The following TRAF2 variants were observed in gnomAD, a reference collection of about 807,000 sequenced individuals.
TRAF2 encodes the protein TNF receptor associated factor 2.
Under a neutral mutation model 55.6 loss-of-function variants are expected in TRAF2, and 6 were observed. That is an observed-to-expected ratio of 0.11 (90% CI 0.06 to 0.21). The LOEUF (loss-of-function observed/expected upper bound fraction) is 0.21, where lower values mean the gene tolerates loss of function less well. TRAF2 is among the 10% of genes least tolerant of loss of function. The pLI, the probability that TRAF2 is intolerant of heterozygous loss-of-function variation, is 1.00. For synonymous variants in TRAF2, 329 were observed against 276.3 expected, an observed-to-expected ratio of 1.19 and a Z score of -1.89; for missense variants, 561 against 684.5, an observed-to-expected ratio of 0.82 and a Z score of 2.01.
At chr9:136,918,297 TCTTG>T (rs1456971261) in intron 7 of TRAF2, among the ~76,000 whole-genome samples, 1 of 148,394 alleles carries the variant, frequency 6.7e-6, no homozygotes, top group African/African-American at 2.5e-5. Context: ...TGAGGTTGAG[TCTTG>T]CTTTGTCGCC....
Position 136,908,158 on chromosome 9 carries a change from T to TGGA in TRAF2, c.457_459dup (p.Glu153dup). On this transcript the variant is annotated inframe_insertion, in exon 5 of 11. Transcript: ENST00000247668. ...CGCCTTGGTGAAAAGGAGCGCCACC[T>TGGA]GGAGCACGAGTGCCCGGAGAGAAGC... 6.2e-7 allele frequency: 1 copy of TGGA among 1,603,612 alleles called. No individual in the cohort carries two copies. The highest frequency in any genetic ancestry group is 8.5e-7 in the Non-Finnish European group (1 of 1,179,872).
rs754647357 is a variant in TRAF2, at chr9:136,925,929, G to C, written c.*28G>C. On this transcript the variant is annotated 3_prime_UTR_variant, in exon 11 of 11. Coordinates refer to ENST00000247668, the MANE Select transcript of TRAF2 (RefSeq NM_021138.4). Reference sequence around the variant, plus strand: ...GCCCCCTACTGGTGTCTGGGGGTTGGGGGCAGCCAGGCACAGCCGGCTCAC... The same window carrying C: ...GCCCCCTACTGGTGTCTGGGGGTTGCGGGCAGCCAGGCACAGCCGGCTCAC... The C allele has an allele frequency of 6.2e-7, 1 of 1,612,416 alleles. No homozygotes were observed. Among genetic ancestry groups the C allele is most frequent in the Non-Finnish European group, 8.5e-7 (1 of 1,179,138 alleles).
upstream of TRAF2, among the ~76,000 whole-genome samples, chr9:136,885,764 T>C (rs1849432628): frequency 6.7e-6 from 1 of 150,314 alleles, no homozygotes; most frequent in African/African-American, 2.5e-5. Context: ...TGAGCCTCCG[T>C]CTCAAAAAAA....
intron 4 of TRAF2, among the ~76,000 whole-genome samples, chr9:136,905,457 G>A (rs1286061966): frequency 6.6e-6 from 1 of 152,180 alleles, no homozygotes; most frequent in Non-Finnish European, 1.5e-5. Flanking sequence ...TGGGGAGTTA[G>A]GGTTTAACAG....
intron 4 of TRAF2, among the ~76,000 whole-genome samples, chr9:136,904,723 TAATTA>T (rs1292474882): frequency 2.6e-5 from 4 of 152,232 alleles, no homozygotes; most frequent in Non-Finnish European, 5.9e-5. Flanking sequence ...AACAGTCTTT[TAATTA>T]AATCTAAGAA....
At chr9:136,921,582 G>A (rs879382432) in intron 9 of TRAF2, among the ~76,000 whole-genome samples, 1 of 152,006 alleles carries the variant, frequency 6.6e-6, no homozygotes, top group Non-Finnish European at 1.5e-5. Flanking sequence ...GCGGGTGGGG[G>A]TGGCTGTGGG....
chr9:136,905,415 A>G (rs1458471880), intron 4 of TRAF2, among the ~76,000 whole-genome samples: 2 of 152,144 alleles, frequency 1.3e-5, no homozygotes, highest in Admixed American at 1.3e-4. Context: ...ATTGAGAGCC[A>G]ATAGATGGTG....
intron 10 of TRAF2, among the ~76,000 whole-genome samples, chr9:136,925,017 G>A (rs555251122): frequency 1.8e-4 from 27 of 152,342 alleles, no homozygotes; most frequent in African/African-American, 3.8e-4. Flanking sequence ...GATTGTAGGC[G>A]TGAGCCACTG....
chr9:136,886,321 C>A (rs1380933730), upstream of TRAF2: 1 of 878,392 alleles, frequency 1.1e-6, no homozygotes. Flanking sequence ...GCGCACGCTG[C>A]GGCTCCTGCG....
At chr9:136,908,298 C>T (rs1588432932) in intron 5 of TRAF2, 67 bp downstream of exon 5, 2 of 1,456,950 alleles carry the variant, frequency 1.4e-6, no homozygotes, top group East Asian at 2.5e-5. Flanking sequence ...GAGCTGCGTG[C>T]TGGCCACTGC....
At chr9:136,882,712 T>A, upstream of TRAF2, 2 of 985,198 alleles carry the variant, frequency 2.0e-6, no homozygotes, top group Non-Finnish European at 1.2e-6. Context: ...ATGGCCAGAG[T>A]GAGTCACCCC....
chr9:136,898,916 C>T lies in TRAF2; in HGVS notation c.176C>T (p.Ala59Val). The T allele has an allele frequency of 6.2e-7, 1 of 1,607,830 alleles. No individual in the cohort carries two copies. The highest frequency in any genetic ancestry group is 8.5e-7 in the Non-Finnish European group (1 of 1,177,946). ...CACCGGTACTGCTCCTTCTGCCTGG[C>T]CAGCATCCTCAGGTGCATGGGGCCT... ...CGHRYCSFCLASILSSGPQNC... is the reference protein window; with the variant it reads ...CGHRYCSFCLVSILSSGPQNC... Residue 59 changes from alanine (A) to valine (V), a missense_variant, in exon 2 of 11, where the codon GCC becomes GTC. Ala to Val is a moderately conservative substitution (Grantham distance 64). Coordinates refer to ENST00000247668, the MANE Select transcript of TRAF2 (RefSeq NM_021138.4).
rs1243489191 is a variant in TRAF2, at chr9:136,886,594, T to TGCGGGGTCGGGC, written c.-29+68_-29+79dup. ...GGTCGGGCGCGGGCGCGGGGTCGGG[T>TGCGGGGTCGGGC]GCGGGGTCGGGCGCGGGGTCGGGCG... On this transcript the variant is annotated intron_variant, in intron 1 of 10. Transcript: ENST00000247668. 439 of 905,468 alleles carry TGCGGGGTCGGGC rather than the reference T, an allele frequency of 4.8e-4. 1 individual carries two copies. Among genetic ancestry groups the TGCGGGGTCGGGC allele is most frequent in the Admixed American group, 2.0e-3 (22 of 11,232 alleles). 56.1% of individuals were successfully genotyped at this position (905,468 alleles called of 1,614,324 possible).
intron 1 of TRAF2, among the ~76,000 whole-genome samples, chr9:136,898,145 C>T (rs1849728947): frequency 1.3e-5 from 2 of 152,138 alleles, no homozygotes; most frequent in African/African-American, 2.4e-5. Flanking sequence ...AGGGAGTGCA[C>T]TAGCCAGCCC....
chr9:136,896,386 C>T (rs558736069), intron 1 of TRAF2, among the ~76,000 whole-genome samples: 26 of 152,324 alleles, frequency 1.7e-4, no homozygotes, highest in East Asian at 7.7e-4. Context: ...GCCCTGGTTC[C>T]GGGTGTGAGG....
At chr9:136,905,243 C>T (rs1020758541) in intron 4 of TRAF2, among the ~76,000 whole-genome samples, 3 of 152,244 alleles carry the variant, frequency 2.0e-5, no homozygotes, top group African/African-American at 4.8e-5. Context: ...AGGAACCTTC[C>T]TCTCAGCACA....
chr9:136,896,473 G>A (rs1202966139), intron 1 of TRAF2, among the ~76,000 whole-genome samples: 2 of 152,218 alleles, frequency 1.3e-5, no homozygotes, highest in South Asian at 2.1e-4. Context: ...TTTGCTGTCC[G>A]GTTGTGTTTC....
chr9:136,913,558 A>C (rs1226279384), intron 6 of TRAF2, among the ~76,000 whole-genome samples: 1 of 151,982 alleles, frequency 6.6e-6, no homozygotes, highest in Non-Finnish European at 1.5e-5. Flanking sequence ...CGGCCTCCCA[A>C]AGTGCTGGGA....
Position 136,925,823 on chromosome 9 carries a change from C to T in TRAF2, c.1428C>T (p.Ser476=), listed in dbSNP as rs749855514. ...GCTGCCCCCTCTTCTGCCCCGTCTC[C>T]AAGATGGAGGCAAAGAATTCCTACG... ...ASGCPLFCPV[S]KMEAKNSYVR... is the part of the protein sequence containing the mutation. The change falls in exon 11 of 11, where the codon TCC becomes TCT. Residue 476 remains serine, a synonymous_variant. Coordinates refer to ENST00000247668, the MANE Select transcript of TRAF2 (RefSeq NM_021138.4). The T allele has an allele frequency of 3.7e-6, 6 of 1,614,132 alleles. No homozygotes were observed. The African/African-American group carries it at 6.7e-5, about 18-fold the overall frequency.
Sources: gnomAD v4.1 joint callset for allele counts (sites outside exome capture counted in the v4.1 genomes callset) on GRCh38, gnomAD v4.1.1 for gene constraint, MANE v1.5 for transcripts, NCBI Gene and HGNC (gene_info 2026-07-23, HGNC 2026-07-21) for gene names.